The following KCNIP4 variants were observed in gnomAD, a reference collection of about 807,000 sequenced individuals.
KCNIP4 encodes potassium voltage-gated channel interacting protein 4.
KCNIP4 carries 12 observed loss-of-function variants against 34.0 expected under a neutral mutation model. That is an observed-to-expected ratio of 0.35 (90% CI 0.23 to 0.57). The LOEUF (loss-of-function observed/expected upper bound fraction) is 0.57. Among genes scored for constraint, KCNIP4 ranks in the 20% least tolerant of loss-of-function variants. The pLI is 0.83. For missense variants in KCNIP4, 238 were observed against 311.7 expected, an observed-to-expected ratio of 0.76 and a Z score of 1.78; for synonymous variants, 124 against 102.2, an observed-to-expected ratio of 1.21 and a Z score of -1.29.
chr4:21,498,999 G>A (rs1008750188), intron 1 of KCNIP4, among the ~76,000 whole-genome samples: 4 of 152,144 alleles, frequency 2.6e-5, no homozygotes, highest in African/African-American at 9.7e-5. Flanking sequence ...TGCTATTTAT[G>A]TACTAAAATC....
At chr4:20,807,852 G>A (rs1375607266) in intron 3 of KCNIP4, among the ~76,000 whole-genome samples, 2 of 152,156 alleles carry the variant, frequency 1.3e-5, no homozygotes, top group African/African-American at 4.8e-5. Flanking sequence ...TCCCAGGATT[G>A]TCATAAAGAA....
intron 1 of KCNIP4, among the ~76,000 whole-genome samples, chr4:21,709,760 G>A (rs1056683995): frequency 1.3e-5 from 2 of 152,160 alleles, no homozygotes; most frequent in Non-Finnish European, 2.9e-5. Flanking sequence ...TGGTATTACA[G>A]AATCACAGAA....
intron 1 of KCNIP4, among the ~76,000 whole-genome samples, chr4:21,517,194 T>C (rs1411877604): frequency 6.6e-6 from 1 of 152,118 alleles, no homozygotes; most frequent in Non-Finnish European, 1.5e-5. Context: ...AAGCTGAATA[T>C]ACACTCCCAG....
At chr4:21,233,985 C>CAT (rs1200360693) in intron 1 of KCNIP4, among the ~76,000 whole-genome samples, 1 of 132,998 alleles carries the variant, frequency 7.5e-6, no homozygotes, top group Non-Finnish European at 1.5e-5. Context: ...ACATATATAA[C>CAT]ATATAACATG....
chr4:21,301,127 C>T (rs1711616535), intron 1 of KCNIP4, among the ~76,000 whole-genome samples: 2 of 152,122 alleles, frequency 1.3e-5, no homozygotes, highest in East Asian at 1.9e-4. Flanking sequence ...CAGAACAGGA[C>T]CCAAGACTCA....
intron 1 of KCNIP4, among the ~76,000 whole-genome samples, chr4:21,653,476 A>G (rs1747673758): frequency 6.6e-6 from 1 of 152,200 alleles, no homozygotes; most frequent in South Asian, 2.1e-4. Context: ...TATGCTCTCA[A>G]TTGTGCATGT....
At chr4:21,022,910 C>T (rs987854504) in intron 1 of KCNIP4, among the ~76,000 whole-genome samples, 6 of 151,776 alleles carry the variant, frequency 4.0e-5, no homozygotes, top group African/African-American at 1.5e-4. Flanking sequence ...ACTGCAACCT[C>T]CACCTCCCAG....
intron 1 of KCNIP4, among the ~76,000 whole-genome samples, chr4:21,198,002 A>C (rs1242075963): frequency 6.6e-6 from 1 of 152,184 alleles, no homozygotes. Flanking sequence ...CTTGAGACAC[A>C]TTTTAAAAAG....
At chr4:21,233,860 T>TGTA (rs374391812) in intron 1 of KCNIP4, among the ~76,000 whole-genome samples, 4 of 138,848 alleles carry the variant, frequency 2.9e-5, no homozygotes. Flanking sequence ...ATATAGTCAA[T>TGTA]ATGACTTTGA....
chr4:20,958,473 G>A (rs573196920), intron 1 of KCNIP4, among the ~76,000 whole-genome samples: 5 of 152,316 alleles, frequency 3.3e-5, no homozygotes, highest in African/African-American at 1.2e-4. Context: ...GGTAACATAT[G>A]TACAGGCTTT....
intron 1 of KCNIP4, among the ~76,000 whole-genome samples, chr4:21,332,089 A>G (rs1715696695): frequency 6.6e-6 from 1 of 152,196 alleles, no homozygotes; most frequent in South Asian, 2.1e-4. Context: ...AAGGATCTAT[A>G]AAATTTTAAA....
intron 1 of KCNIP4, among the ~76,000 whole-genome samples, chr4:21,529,032 A>G (rs1736433809): frequency 6.6e-6 from 1 of 152,090 alleles, no homozygotes; most frequent in African/African-American, 2.4e-5. Flanking sequence ...CCCTTCCTCC[A>G]TATTGCTTCT....
At chr4:21,649,452 T>C (rs114325592) in intron 1 of KCNIP4, among the ~76,000 whole-genome samples, 2,535 of 152,220 alleles carry the variant, frequency 0.017, 61 homozygotes, top group African/African-American at 0.057. Context: ...AGTATGGCAA[T>C]TGAAAATAAA....
At chr4:21,139,989 T>A (rs939466138) in intron 1 of KCNIP4, among the ~76,000 whole-genome samples, 1 of 152,122 alleles carries the variant, frequency 6.6e-6, no homozygotes, top group Non-Finnish European at 1.5e-5. Context: ...ATGTATCAAG[T>A]CAAAGTTACA....
chr4:20,778,288 T>C (rs1178916725), intron 3 of KCNIP4, among the ~76,000 whole-genome samples: 1 of 152,234 alleles, frequency 6.6e-6, no homozygotes, highest in Non-Finnish European at 1.5e-5. Flanking sequence ...ATGGGACTAA[T>C]AGTATACTTA....
rs2322689 is a variant in KCNIP4 at position 20,779,587 on chromosome 4, C to A, written c.289-20697G>T. 4.6e-3 allele frequency among the ~76,000 whole-genome samples: 592 copies of A among 127,604 alleles called. 11 individuals are homozygous for A. Among genetic ancestry groups the A allele is most frequent in the Middle Eastern group, 0.012 (3 of 242 alleles). 83.7% of individuals were successfully genotyped at this position (127,604 alleles called of 152,430 possible). ...CCCCCTGCCCCACAACCCCCCCCCC[C>A]CACACAAAAAAGAAATGAAAACAAA... On this transcript the variant is annotated intron_variant, in intron 3 of 8. Coordinates refer to ENST00000382152, the MANE Select transcript of KCNIP4 (RefSeq NM_025221.6).
chr4:20,859,146 T>C (rs192767540), intron 2 of KCNIP4, among the ~76,000 whole-genome samples: 1 of 152,180 alleles, frequency 6.6e-6, no homozygotes, highest in East Asian at 1.9e-4. Context: ...CAGACAAAGC[T>C]GTGCTGATAA....
At chr4:21,638,305 A>G (rs1258513828) in intron 1 of KCNIP4, among the ~76,000 whole-genome samples, 1 of 152,162 alleles carries the variant, frequency 6.6e-6, no homozygotes, top group Non-Finnish European at 1.5e-5. Flanking sequence ...GGTACTCCAC[A>G]TGTCTTCTGA....
chr4:21,046,031 G>A (rs1447470094), intron 1 of KCNIP4, among the ~76,000 whole-genome samples: 1 of 152,188 alleles, frequency 6.6e-6, no homozygotes, highest in African/African-American at 2.4e-5. Flanking sequence ...GGTGTTTGAT[G>A]AGGCTGTCAC....
Sources: allele counts gnomAD v4.1 joint callset (sites outside exome capture counted in the v4.1 genomes callset), GRCh38; gene constraint gnomAD v4.1.1; transcripts MANE v1.5; gene names NCBI Gene and HGNC (gene_info 2026-07-23, HGNC 2026-07-21).